Variants in KIAA1671 observed in about 807,000 individuals in gnomAD.
The protein encoded by KIAA1671 is uncharacterized protein KIAA1671.
In KIAA1671, 52 loss-of-function variants were observed where a neutral mutation model predicts 131.2. That is an observed-to-expected ratio of 0.40 (90% CI 0.32 to 0.50). KIAA1671 has a LOEUF of 0.50. KIAA1671 is among the 20% of genes least tolerant of loss of function. KIAA1671 has a pLI of 0.73. For synonymous variants in KIAA1671, 1,003 were observed against 961.6 expected, an observed-to-expected ratio of 1.04 and a Z score of -0.80; for missense variants, 2,360 against 2,364.2, an observed-to-expected ratio of 1.00 and a Z score of 0.04.
chr22:24,991,282 C>G (rs1217560988), intron 1 of KIAA1671, among the ~76,000 whole-genome samples: 3 of 151,424 alleles, frequency 2.0e-5, no homozygotes, highest in Admixed American at 6.6e-5. Context: ...TTCGGCCTCC[C>G]AAAGTGCTGG....
chr22:25,003,717 G>A (rs1257508665), intron 1 of KIAA1671, among the ~76,000 whole-genome samples: 1 of 148,242 alleles, frequency 6.7e-6, no homozygotes, highest in Non-Finnish European at 1.5e-5. Flanking sequence ...CGGCCCACTT[G>A]GAGATAATTT....
intron 6 of KIAA1671, among the ~76,000 whole-genome samples, chr22:25,163,815 C>G (rs529693403): frequency 1.6e-4 from 24 of 152,240 alleles, no homozygotes; most frequent in African/African-American, 5.3e-4. Flanking sequence ...TAGGTTGTCT[C>G]TCGTATTTTG....
intron 6 of KIAA1671, chr22:25,050,873 T>C (rs1927495782): frequency 6.6e-6 from 1 of 152,284 alleles, no homozygotes; most frequent in Non-Finnish European, 1.5e-5. Flanking sequence ...CTCAGATAGC[T>C]CTGACTTAGC....
intron 6 of KIAA1671, among the ~76,000 whole-genome samples, chr22:25,104,282 C>A (rs1007553910): frequency 1.3e-5 from 2 of 152,264 alleles, no homozygotes; most frequent in Admixed American, 6.5e-5. Context: ...CCTGGCCCCA[C>A]CTTCTTTATT....
intron 1 of KIAA1671, among the ~76,000 whole-genome samples, chr22:25,003,664 G>A (rs6004388): frequency 0.2 from 30,811 of 151,514 alleles, 3,316 homozygotes; most frequent in East Asian, 0.45. Flanking sequence ...CACCCACCTC[G>A]GCCTCCCAAA....
In KIAA1671 at chr22:25,038,798, G is replaced by T; in HGVS notation, c.1668G>T (p.Pro556=). ...EGHSLDGACI[P]RSPWKPGTLR... Reference sequence around the variant, plus strand: ...ACAGTTTGGATGGAGCATGCATCCCGAGAAGCCCCTGGAAGCCTGGGACAC... The same window carrying T: ...ACAGTTTGGATGGAGCATGCATCCCTAGAAGCCCCTGGAAGCCTGGGACAC... Residue 556 remains proline (P), a synonymous_variant, in exon 5 of 13, where the codon CCG becomes CCT. Coordinates refer to ENST00000358431, the MANE Select transcript of KIAA1671 (RefSeq NM_001145206.2). The T allele has an allele frequency of 2.6e-6, 4 of 1,550,156 alleles. No homozygotes were observed. Among genetic ancestry groups the T allele is most frequent in the Non-Finnish European group, 3.5e-6 (4 of 1,145,516 alleles).
intron 11 of KIAA1671, among the ~76,000 whole-genome samples, chr22:25,189,178 G>T (rs1322401694): frequency 2.1e-5 from 3 of 143,990 alleles, no homozygotes; most frequent in African/African-American, 7.8e-5. Context: ...TTTTGAGACG[G>T]ATTCTTGCTC....
chr22:25,086,624 C>T (rs1369181410), intron 6 of KIAA1671, among the ~76,000 whole-genome samples: 2 of 152,184 alleles, frequency 1.3e-5, no homozygotes, highest in East Asian at 3.8e-4. Flanking sequence ...GTGGACCTCG[C>T]CCATCTCCAT....
At chr22:25,032,508 C>T in intron 3 of KIAA1671, 101 bp from the exon 4 acceptor site, 2 of 636,516 alleles carry the variant, frequency 3.1e-6, no homozygotes, top group Non-Finnish European at 5.5e-6. Flanking sequence ...AAGGAAATGT[C>T]CTTTCTGAAG....
intron 5 of KIAA1671, 52 bp downstream of exon 5, chr22:25,041,577 T>G: frequency 6.8e-7 from 1 of 1,460,510 alleles, no homozygotes; most frequent in Non-Finnish European, 9.0e-7. Context: ...AAACATCTAG[T>G]CTAGGGGGCC....
intron 12 of KIAA1671, among the ~76,000 whole-genome samples, chr22:25,191,528 A>C (rs138637455): frequency 1.3e-3 from 201 of 152,332 alleles, no homozygotes; most frequent in African/African-American, 4.7e-3. Context: ...ATTTGAAAAA[A>C]TATACATTAA....
At chr22:25,029,889 C>T (rs1171485278) in intron 3 of KIAA1671, among the ~76,000 whole-genome samples, 1 of 152,328 alleles carries the variant, frequency 6.6e-6, no homozygotes, top group Admixed American at 6.5e-5. Flanking sequence ...CATTCCAGCT[C>T]AGCCTGTCTC....
rs148062860 is a variant in KIAA1671, at chr22:24,955,682, C to T, written c.-208+2910C>T. Among the ~76,000 whole-genome samples the T allele has an allele frequency of 7.1e-3, 1,087 of 152,080 alleles. 8 individuals carry two copies. The highest frequency in any genetic ancestry group is 0.012 in the Non-Finnish European group (784 of 67,982). ...GGCTGGTGTGGGGAGGCTGGATGAT[C>T]GGAGGGTCATGCCAGGAGGCTGGGG... is the stretch of plus-strand genomic sequence containing the variant. On this transcript the variant is annotated intron_variant, in intron 1 of 12. Transcript: ENST00000358431.
chr22:25,031,354 G>A (rs10427999), intron 3 of KIAA1671, among the ~76,000 whole-genome samples: 10,416 of 151,956 alleles, frequency 0.069, 1,166 homozygotes, highest in African/African-American at 0.24. Flanking sequence ...CAGCCACCAC[G>A]CCCAGCTAAT....
intron 6 of KIAA1671, among the ~76,000 whole-genome samples, chr22:25,085,264 G>A (rs932084706): frequency 5.9e-5 from 9 of 152,242 alleles, no homozygotes; most frequent in African/African-American, 2.2e-4. Context: ...TTCCTGGCAG[G>A]CATTTGGCCT....
At chr22:25,074,165 G>A (rs1928974032) in intron 6 of KIAA1671, among the ~76,000 whole-genome samples, 1 of 150,606 alleles carries the variant, frequency 6.6e-6, no homozygotes, top group Non-Finnish European at 1.5e-5. Context: ...TCTGTTGTGT[G>A]TATGTGTAGA....
chr22:25,106,813 C>T (rs1171390587), intron 6 of KIAA1671, among the ~76,000 whole-genome samples: 2 of 152,088 alleles, frequency 1.3e-5, no homozygotes, highest in Non-Finnish European at 2.9e-5. Context: ...TTTCCTTTTG[C>T]CTCTGGCGCC....
At chr22:25,185,312 G>T in intron 11 of KIAA1671, 193 bp downstream of exon 11, 1 of 643,388 alleles carries the variant, frequency 1.6e-6, no homozygotes, top group South Asian at 2.7e-5. Flanking sequence ...GCCGGGGAAG[G>T]AGGCCAGGAA....
At chr22:25,126,000 C>T (rs1276869025) in intron 6 of KIAA1671, among the ~76,000 whole-genome samples, 5 of 152,188 alleles carry the variant, frequency 3.3e-5, no homozygotes, top group African/African-American at 7.2e-5. Context: ...TATCAGTTCA[C>T]GGAGTTGTTA....
Sources: gnomAD v4.1 joint callset for allele counts (sites outside exome capture counted in the v4.1 genomes callset) on GRCh38, gnomAD v4.1.1 for gene constraint, MANE v1.5 for transcripts, NCBI Gene and HGNC (gene_info 2026-07-23, HGNC 2026-07-21) for gene names.